The following NRXN3 variants were observed in gnomAD, a reference collection of about 807,000 sequenced individuals.
NRXN3 encodes neurexin III.
In NRXN3, 32 loss-of-function variants were observed where a neutral mutation model predicts 137.6. The ratio of observed to expected loss-of-function variants is 0.23; its 90% CI spans 0.18 to 0.31. The LOEUF is 0.31. Among genes scored for constraint, NRXN3 ranks in the 10% least tolerant of loss-of-function variants. NRXN3 has a pLI of 1.00. For synonymous variants in NRXN3, 798 were observed against 784.5 expected, an observed-to-expected ratio of 1.02 and a Z score of -0.29; for missense variants, 1,574 against 2,062.5, an observed-to-expected ratio of 0.76 and a Z score of 4.59.
intron 10 of NRXN3, among the ~76,000 whole-genome samples, chr14:78,953,795 G>A (rs1274697584): frequency 6.6e-6 from 1 of 152,080 alleles, no homozygotes; most frequent in African/African-American, 2.4e-5. Flanking sequence ...AACTATAAAA[G>A]AGGGAAAAAT....
intron 20 of NRXN3, among the ~76,000 whole-genome samples, chr14:79,813,737 C>T (rs192386162): frequency 3.9e-5 from 6 of 152,084 alleles, no homozygotes; most frequent in East Asian, 3.9e-4. Flanking sequence ...TTTTAATTTC[C>T]GTTTCTTTCC....
intron 10 of NRXN3, among the ~76,000 whole-genome samples, chr14:78,900,444 T>C (rs1256137339): frequency 1.7e-5 from 2 of 118,184 alleles, no homozygotes; most frequent in African/African-American, 9.4e-5. Context: ...ATTTTTTTTC[T>C]TTTTTTTTTT....
chr14:79,770,364 A>G (rs2099073193), intron 19 of NRXN3, among the ~76,000 whole-genome samples: 1 of 150,554 alleles, frequency 6.6e-6, no homozygotes, highest in Non-Finnish European at 1.5e-5. Context: ...AATTGACCAC[A>G]TACTTGGAAG....
intron 15 of NRXN3, among the ~76,000 whole-genome samples, chr14:79,208,299 G>C (rs544324719): frequency 1.3e-5 from 2 of 152,234 alleles, no homozygotes; most frequent in East Asian, 3.9e-4. Flanking sequence ...TGGAAAATGA[G>C]CATATCGAGG....
At chr14:78,240,389 C>T (rs1331061366) in intron 1 of NRXN3, among the ~76,000 whole-genome samples, 1 of 152,176 alleles carries the variant, frequency 6.6e-6, no homozygotes, top group Non-Finnish European at 1.5e-5. Flanking sequence ...CATATAAGCC[C>T]CTGGCTGGTC....
chr14:78,220,630 T>C (rs1180991703), intron 1 of NRXN3, among the ~76,000 whole-genome samples: 1 of 152,136 alleles, frequency 6.6e-6, no homozygotes, highest in Non-Finnish European at 1.5e-5. Flanking sequence ...AGTCCCGTTT[T>C]CTTTTAAGGT....
chr14:79,831,400 C>T (rs766865116), intron 20 of NRXN3, among the ~76,000 whole-genome samples: 9 of 152,184 alleles, frequency 5.9e-5, no homozygotes, highest in Non-Finnish European at 1.2e-4. Context: ...GATGGGAACA[C>T]GCTTCCTCTG....
chr14:79,241,332 A>G (rs1168093837), intron 15 of NRXN3, among the ~76,000 whole-genome samples: 1 of 152,204 alleles, frequency 6.6e-6, no homozygotes, highest in African/African-American at 2.4e-5. Context: ...CTGCTAAAAA[A>G]GACATATCCA....
intron 3 of NRXN3, chr14:78,282,396 T>C: frequency 3.2e-6 from 1 of 316,578 alleles, no homozygotes; most frequent in Non-Finnish European, 6.4e-6. Context: ...TTCTCCCTCC[T>C]GCCTGGAGGG....
intron 15 of NRXN3, among the ~76,000 whole-genome samples, chr14:79,102,079 CT>C (rs1178810727): frequency 6.6e-6 from 1 of 152,152 alleles, no homozygotes; most frequent in Non-Finnish European, 1.5e-5. Flanking sequence ...GAGCATTGCT[CT>C]GCTCATGTCT....
chr14:79,488,294 T>A (rs2096676490), intron 16 of NRXN3, among the ~76,000 whole-genome samples: 1 of 152,202 alleles, frequency 6.6e-6, no homozygotes, highest in South Asian at 2.1e-4. Context: ...AGGGTCTTGA[T>A]GAAGAGTCAC....
intron 4 of NRXN3, among the ~76,000 whole-genome samples, chr14:78,421,261 CAAA>C (rs34046580): frequency 3.4e-5 from 4 of 116,066 alleles, no homozygotes; most frequent in Non-Finnish European, 3.5e-5. Flanking sequence ...GACTCCATCT[CAAA>C]AAAAAAAAAA....
chr14:78,875,958 A>G (rs1405192389), intron 10 of NRXN3, among the ~76,000 whole-genome samples: 1 of 152,188 alleles, frequency 6.6e-6, no homozygotes, highest in Non-Finnish European at 1.5e-5. Flanking sequence ...TAGGCAGAGG[A>G]CAAGTAACTC....
At chr14:79,120,884 T>A (rs930058688) in intron 15 of NRXN3, among the ~76,000 whole-genome samples, 1 of 152,194 alleles carries the variant, frequency 6.6e-6, no homozygotes, top group Non-Finnish European at 1.5e-5. Flanking sequence ...ATTTTGCTTT[T>A]TGTGTCCATA....
At chr14:79,847,593 T>C (rs1603619318) in intron 20 of NRXN3, among the ~76,000 whole-genome samples, 1 of 152,154 alleles carries the variant, frequency 6.6e-6, no homozygotes. Flanking sequence ...TAAAATTACC[T>C]TAGAAACTAT....
At chr14:79,283,348 T>C (rs1271722187) in intron 15 of NRXN3, among the ~76,000 whole-genome samples, 1 of 152,196 alleles carries the variant, frequency 6.6e-6, no homozygotes, top group African/African-American at 2.4e-5. Flanking sequence ...CTTGCCCATT[T>C]CCTGAGAAGC....
At chr14:78,624,830 T>C (rs1231413212) in intron 4 of NRXN3, among the ~76,000 whole-genome samples, 3 of 105,824 alleles carry the variant, frequency 2.8e-5, no homozygotes, top group African/African-American at 9.4e-5. Context: ...TGTGTGTGTG[T>C]GTTTGTTTGT....
intron 15 of NRXN3, among the ~76,000 whole-genome samples, chr14:79,028,953 G>A (rs2099602913): frequency 6.6e-6 from 1 of 152,054 alleles, no homozygotes; most frequent in Non-Finnish European, 1.5e-5. Flanking sequence ...ATTGGGATGG[G>A]GATGAGGCTA....
chr14:79,538,103 T>G (rs1172930589), intron 16 of NRXN3, among the ~76,000 whole-genome samples: 1 of 152,234 alleles, frequency 6.6e-6, no homozygotes, highest in Admixed American at 6.5e-5. Flanking sequence ...TTGAGAAGTG[T>G]CTGTTCATAT....
Sources: allele counts gnomAD v4.1 joint callset (sites outside exome capture counted in the v4.1 genomes callset), GRCh38; gene constraint gnomAD v4.1.1; transcripts MANE v1.5; gene names NCBI Gene and HGNC (gene_info 2026-07-23, HGNC 2026-07-21).